Variants in KLHL13 observed in about 807,000 individuals in gnomAD.
KLHL13 encodes kelch like family member 13.
Under a neutral mutation model 37.1 loss-of-function variants are expected in KLHL13, and 10 were observed. The observed-to-expected ratio is 0.27, with a 90% confidence interval of 0.17 to 0.46. The LOEUF is 0.46. Among genes scored for constraint, KLHL13 ranks in the 20% least tolerant of loss-of-function variants. The pLI is 1.00. For synonymous variants in KLHL13, 163 were observed against 181.2 expected (o/e 0.90, Z 0.81); for missense variants, 360 against 509.3 (o/e 0.71, Z 2.82).
At chrX:117,987,989 T>G (rs2053747134) in intron 1 of KLHL13, among the ~76,000 whole-genome samples, 1 of 111,961 alleles carries the variant, frequency 8.9e-6, no homozygotes. Context: ...CAACAGCACC[T>G]TCAGAAGAAT....
chrX:118,026,756 T>C (rs771879685), intron 1 of KLHL13, among the ~76,000 whole-genome samples: 6 of 111,814 alleles, frequency 5.4e-5, no homozygotes, highest in Non-Finnish European at 7.5e-5. Context: ...CCCAACACCA[T>C]AGATACCACA....
chrX:118,071,334 T>C (rs2054862065), intron 1 of KLHL13, among the ~76,000 whole-genome samples: 1 of 111,524 alleles, frequency 9.0e-6, no homozygotes, highest in South Asian at 3.8e-4. Context: ...ATCGCCACAC[T>C]GACTTCCACA....
At chrX:117,963,266 A>C (rs1328811494) in intron 1 of KLHL13, among the ~76,000 whole-genome samples, 2 of 111,510 alleles carry the variant, frequency 1.8e-5, no homozygotes, top group Non-Finnish European at 3.8e-5. Flanking sequence ...GCTGGGAAAA[A>C]TATTTTAGTA....
At chrX:118,036,275 C>T (rs781692505) in intron 1 of KLHL13, among the ~76,000 whole-genome samples, 113 of 111,066 alleles carry the variant, frequency 1.0e-3, no homozygotes, top group African/African-American at 3.6e-3. Context: ...AAAAAGAGCC[C>T]GCATCACCAA....
intron 5 of KLHL13, among the ~76,000 whole-genome samples, chrX:117,902,560 C>T (rs751033584): frequency 2.1e-4 from 23 of 111,462 alleles, no homozygotes; most frequent in African/African-American, 4.6e-4. Context: ...AGATGGTTGG[C>T]GGCATAATAT....
In KLHL13 at chrX:118,051,540, C is replaced by CA. The variant is rs377719920; in HGVS notation, c.-56+64967dup. On this transcript the variant is annotated intron_variant, in intron 1 of 6. Coordinates refer to the KLHL13 transcript ENST00000371882. ...TGGGCGACAGAGTGAGACTTCATCTCAAAAAAAGTAATAAATAAATAAATA... is the reference window on the plus strand; with the variant it reads ...TGGGCGACAGAGTGAGACTTCATCTCAAAAAAAAGTAATAAATAAATAAATA... Among the ~76,000 whole-genome samples the CA allele has an allele frequency of 1.4e-3, 157 of 108,931 alleles. 2 individuals are homozygous for CA. Among genetic ancestry groups the CA allele is most frequent in the African/African-American group, 5.1e-3 (152 of 29,818 alleles). 94.6% of individuals were successfully genotyped at this position (108,931 alleles called of 115,157 possible).
chrX:118,051,355 C>T (rs1208406532), intron 1 of KLHL13, among the ~76,000 whole-genome samples: 1 of 109,404 alleles, frequency 9.1e-6, no homozygotes, highest in African/African-American at 3.3e-5. Flanking sequence ...CCTGGCTAAC[C>T]TGGTGAAACC....
intron 1 of KLHL13, among the ~76,000 whole-genome samples, chrX:118,028,910 T>C (rs908889045): frequency 3.6e-5 from 4 of 111,802 alleles, no homozygotes; most frequent in Non-Finnish European, 7.5e-5. Context: ...CAGGATAAAA[T>C]TTCACACTAT....
chrX:118,057,436 T>C (rs1421740915), intron 1 of KLHL13, among the ~76,000 whole-genome samples: 1 of 112,489 alleles, frequency 8.9e-6, no homozygotes, highest in African/African-American at 3.2e-5. Flanking sequence ...TGGCAAAGGA[T>C]TTTTAGACAT....
At chrX:118,116,912 C>T (rs910597052), upstream of KLHL13, 7 of 102,778 alleles carry the variant, frequency 6.8e-5, no homozygotes, top group Admixed American at 5.1e-4. Context: ...CGGGGGTGGC[C>T]CCGGCGGCGC....
intron 1 of KLHL13, among the ~76,000 whole-genome samples, chrX:118,035,343 A>G (rs1377450088): frequency 9.3e-6 from 1 of 106,959 alleles, no homozygotes; most frequent in East Asian, 2.8e-4. Flanking sequence ...AAAATCCTCA[A>G]TAAAATACTG....
At chrX:117,947,641 T>C (rs1277346080) in intron 1 of KLHL13, 1 of 112,400 alleles carries the variant, frequency 8.9e-6, no homozygotes, top group Non-Finnish European at 1.9e-5. Flanking sequence ...TTTAATTAAT[T>C]ACTTCAAAAG....
chrX:118,094,487 C>A (rs1390265194), intron 1 of KLHL13, among the ~76,000 whole-genome samples: 1 of 111,303 alleles, frequency 9.0e-6, no homozygotes. Context: ...TCCAGGAGAA[C>A]TTCCCCAATC....
intron 1 of KLHL13, among the ~76,000 whole-genome samples, chrX:117,991,137 TA>T (rs750755409): frequency 7.8e-4 from 65 of 83,585 alleles, no homozygotes; most frequent in African/African-American, 6.8e-4. Flanking sequence ...CATTAAAAAG[TA>T]AAAAAAAAAA....
intron 1 of KLHL13, among the ~76,000 whole-genome samples, chrX:118,014,845 T>C (rs780428949): frequency 8.9e-6 from 1 of 112,518 alleles, no homozygotes; most frequent in Admixed American, 9.4e-5. Flanking sequence ...AAGACATTGT[T>C]TGTACCACAG....
rs146906424 is a variant in KLHL13, at chrX:118,100,029, T to C, written c.-56+16479A>G. On this transcript the variant is annotated intron_variant, in intron 1 of 6. Coordinates refer to the KLHL13 transcript ENST00000371882. ...TCTCTGTGTACATACTTTTTGTCTATACAAAGTCAAAATTTCCTCACAGGC... is the reference window on the plus strand; with the variant it reads ...TCTCTGTGTACATACTTTTTGTCTACACAAAGTCAAAATTTCCTCACAGGC... Among the ~76,000 whole-genome samples the C allele has an allele frequency of 8.2e-3, 915 of 112,053 alleles. 10 individuals carry two copies. Among genetic ancestry groups the C allele is most frequent in the African/African-American group, 0.026 (805 of 30,846 alleles).
chrX:118,089,666 G>GAAAGAA (rs764792954), intron 1 of KLHL13, among the ~76,000 whole-genome samples: 1 of 103,929 alleles, frequency 9.6e-6, no homozygotes, highest in Non-Finnish European at 2.0e-5. Flanking sequence ...AAGAAAGAAA[G>GAAAGAA]AAAAAAGAAA....
At chrX:117,926,983 G>GCAA (rs1846037716) in intron 2 of KLHL13, among the ~76,000 whole-genome samples, 1 of 91,442 alleles carries the variant, frequency 1.1e-5, no homozygotes, top group African/African-American at 4.1e-5. Flanking sequence ...TCGGCTCACT[G>GCAA]CAACCTCCGC....
intron 1 of KLHL13, among the ~76,000 whole-genome samples, chrX:118,038,965 C>G (rs1047606346): frequency 8.9e-6 from 1 of 112,131 alleles, no homozygotes; most frequent in Non-Finnish European, 1.9e-5. Flanking sequence ...AGCTTACCTA[C>G]AGTAGGCTAG....
Sources: allele counts gnomAD v4.1 joint callset (sites outside exome capture counted in the v4.1 genomes callset), GRCh38; gene constraint gnomAD v4.1.1; transcripts MANE v1.5; gene names NCBI Gene and HGNC (gene_info 2026-07-23, HGNC 2026-07-21).